Variants in OSBPL1A observed in about 807,000 individuals in gnomAD.
The protein encoded by OSBPL1A is oxysterol-binding protein-related protein 1.
Under a neutral mutation model 137.1 loss-of-function variants are expected in OSBPL1A, and 80 were observed. That is an observed-to-expected ratio of 0.58 (90% confidence interval 0.49 to 0.70). The LOEUF (loss-of-function observed/expected upper bound fraction) is 0.70. OSBPL1A is among the 30% of genes least tolerant of loss of function. The probability of loss-of-function intolerance (pLI) is 0.00; values close to 1 mark genes in which losing one functional copy is unlikely to be tolerated. For missense variants in OSBPL1A, 970 were observed against 1,129.4 expected, an observed-to-expected ratio of 0.86 and a Z score of 2.02; for synonymous variants, 365 against 389.7, an observed-to-expected ratio of 0.94 and a Z score of 0.75.
Position 24,332,997 on chromosome 18 carries a change from T to G in OSBPL1A, c.570A>C (p.Gln190His), listed in dbSNP as rs370547110. Residue 190 changes from glutamine to histidine, a missense_variant, in exon 7 of 28, where the codon CAA becomes CAC. By Grantham distance (24) the Gln-to-His change is conservative. Around this residue, in one of 2 missense-constraint regions of OSBPL1A, gnomAD observed 647 missense variants for 672.6 expected, o/e 0.96. Coordinates refer to ENST00000319481, the MANE Select transcript of OSBPL1A (RefSeq NM_080597.4). Reference sequence around the variant, plus strand: ...CACTTCTTAGAAGCTTTAAGGCACATTGTTTATGGGCCCGGTAAGCTGCAC... The same window carrying G: ...CACTTCTTAGAAGCTTTAAGGCACAGTGTTTATGGGCCCGGTAAGCTGCAC... ...LHCAAYRAHK[Q>H]CALKLLRSGA... The G allele has an allele frequency of 4.3e-6, 7 of 1,614,096 alleles. No homozygotes were observed. The highest frequency in any genetic ancestry group is 2.7e-5 in the African/African-American group (2 of 74,934).
At chr18:24,176,935 C>G (rs2086464390) in intron 21 of OSBPL1A, among the ~76,000 whole-genome samples, 1 of 152,240 alleles carries the variant, frequency 6.6e-6, no homozygotes, top group Admixed American at 6.5e-5. Flanking sequence ...CTCTTAGACA[C>G]CAGGGGGCGC....
At chr18:24,344,102 A>C (rs554031315) in intron 4 of OSBPL1A, among the ~76,000 whole-genome samples, 4 of 152,376 alleles carry the variant, frequency 2.6e-5, no homozygotes, top group African/African-American at 9.6e-5. Flanking sequence ...ACTCAAAAAC[A>C]AAACAAATAA....
intron 2 of OSBPL1A, among the ~76,000 whole-genome samples, chr18:24,375,247 T>C (rs1443035832): frequency 1.4e-5 from 2 of 140,060 alleles, no homozygotes; most frequent in African/African-American, 5.4e-5. Context: ...CCCAGAAGTC[T>C]GAGGCTGCCA....
intron 14 of OSBPL1A, among the ~76,000 whole-genome samples, chr18:24,293,125 A>AAAAAAAAAAAAAAAAAAACAAAAAAG (rs200624581): frequency 1.2e-5 from 1 of 82,066 alleles, no homozygotes; most frequent in Non-Finnish European, 2.9e-5. Flanking sequence ...AAAAAAAAAA[A>AAAAAAAAAAAAAAAAAAACAAAAAAG]AAAGAAAAGA....
At chr18:24,357,291 C>G (rs2091553580) in intron 4 of OSBPL1A, 4 of 152,088 alleles carry the variant, frequency 2.6e-5, no homozygotes, top group Admixed American at 2.6e-4. Flanking sequence ...GATAGTCATG[C>G]CTTTGTCTGG....
intron 2 of OSBPL1A, among the ~76,000 whole-genome samples, chr18:24,374,761 C>G (rs1386428197): frequency 6.6e-6 from 1 of 152,148 alleles, no homozygotes; most frequent in Non-Finnish European, 1.5e-5. Flanking sequence ...TCTCCTGATA[C>G]AGCCAAGGAG....
chr18:24,311,239 T>C (rs2090615579), intron 13 of OSBPL1A, among the ~76,000 whole-genome samples: 1 of 152,206 alleles, frequency 6.6e-6, no homozygotes, highest in African/African-American at 2.4e-5. Context: ...AACATTCAAA[T>C]CTTGCCGCCA....
Position 24,243,798 on chromosome 18 carries a change from G to A in OSBPL1A, c.1282-4416C>T, listed in dbSNP as rs146871802. Among the ~76,000 whole-genome samples the A allele has an allele frequency of 3.7e-3, 571 of 152,270 alleles. 4 individuals are homozygous for A. The highest frequency in any genetic ancestry group is 0.013 in the African/African-American group (538 of 41,550). On this transcript the variant is annotated intron_variant, in intron 15 of 27. Coordinates refer to ENST00000319481, the MANE Select transcript of OSBPL1A (RefSeq NM_080597.4). ...AGTTTCAAGCCTAACAGGATTTTCT[G>A]CACTGAAGATACCTTCTTATAAAAT...
At chr18:24,169,974 G>C (rs529993284) in intron 24 of OSBPL1A, among the ~76,000 whole-genome samples, 2 of 152,274 alleles carry the variant, frequency 1.3e-5, no homozygotes, top group South Asian at 4.2e-4. Flanking sequence ...AGAGACTTTT[G>C]GAGGAAATTT....
At chr18:24,267,859 TA>T (rs200636180) in intron 15 of OSBPL1A, among the ~76,000 whole-genome samples, 3 of 150,274 alleles carry the variant, frequency 2.0e-5, no homozygotes, top group Admixed American at 6.6e-5. Context: ...TTTTTTTTTT[TA>T]AATCAGGGAT....
chr18:24,246,262 A>C (rs2088883338), intron 15 of OSBPL1A, among the ~76,000 whole-genome samples: 1 of 151,996 alleles, frequency 6.6e-6, no homozygotes, highest in Non-Finnish European at 1.5e-5. Flanking sequence ...TAAATTAAGA[A>C]CTAAGAATAA....
rs1188826885 is a variant in OSBPL1A, at chr18:24,280,939, G to A, written c.1184C>T (p.Pro395Leu). Residue 395 changes from proline to leucine, a missense_variant, in exon 15 of 28, where the codon CCA becomes CTA. By Grantham distance (98) the Pro-to-Leu change is moderately conservative (BLOSUM62 -3). Coordinates refer to ENST00000319481, the MANE Select transcript of OSBPL1A (RefSeq NM_080597.4). ...KECDMAKEML[P>L]SFLQKVEVVS... Reference sequence around the variant, plus strand: ...AACTTCAACTTTCTGAAGAAATGATGGAAGCATTTCTATAAAGAAAAAAAT... The same window carrying A: ...AACTTCAACTTTCTGAAGAAATGATAGAAGCATTTCTATAAAGAAAAAAAT... 6.3e-7 allele frequency: 1 copy of A among 1,595,382 alleles called. No individual in the cohort carries two copies. The highest frequency in any genetic ancestry group is 8.5e-7 in the Non-Finnish European group (1 of 1,172,092).
chr18:24,240,051 G>A (rs1347537911), intron 15 of OSBPL1A, among the ~76,000 whole-genome samples: 1 of 150,918 alleles, frequency 6.6e-6, no homozygotes, highest in Non-Finnish European at 1.5e-5. Flanking sequence ...TGCCTCCTGA[G>A]TAGCTGGGAT....
Position 24,332,984 on chromosome 18 carries a change from G to A in OSBPL1A, c.583C>T (p.Leu195Phe), listed in dbSNP as rs2091110029. The change falls in exon 7 of 28, where the codon CTT (leucine) becomes TTT (phenylalanine). Residue 195 changes from leucine (L) to phenylalanine (F), a missense_variant. Around this residue, in one of 2 missense-constraint regions of OSBPL1A, gnomAD observed 647 missense variants for 672.6 expected, o/e 0.96. Transcript: ENST00000319481. ...YRAHKQCALK[L>F]LRSGADPNLK... ...TTAGGGTCTGCTCCACTTCTTAGAA[G>A]CTTTAAGGCACATTGTTTATGGGCC... 1.2e-6 allele frequency: 2 copies of A among 1,614,174 alleles called. No homozygotes were observed. Among genetic ancestry groups the A allele is most frequent in the African/African-American group, 1.3e-5 (1 of 75,048 alleles).
chr18:24,175,700 T>C (rs2086428626), intron 21 of OSBPL1A, among the ~76,000 whole-genome samples: 1 of 152,250 alleles, frequency 6.6e-6, no homozygotes, highest in South Asian at 2.1e-4. Context: ...ATCATATCCA[T>C]AAGAGTTCTT....
At chr18:24,200,916 T>C (rs2087200450) in intron 17 of OSBPL1A, among the ~76,000 whole-genome samples, 1 of 152,208 alleles carries the variant, frequency 6.6e-6, no homozygotes, top group South Asian at 2.1e-4. Flanking sequence ...TGTGTTTCCA[T>C]ATTTAAAAAT....
Position 24,280,870 on chromosome 18 carries a change from C to T in OSBPL1A, c.1253G>A (p.Cys418Tyr), listed in dbSNP as rs760694789. The change falls in exon 15 of 28, where the codon TGC becomes TAC. Residue 418 changes from cysteine (C) to tyrosine (Y), a missense_variant. Transcript: ENST00000319481. ...TTCTTGTTTGGTGAAGAGATTAAGG[C>T]AATCAGTCAAAGCTACACAAGTTTC... is the stretch of plus-strand genomic sequence containing the variant. ...SRETCVALTD[C>Y]LNLFTKQEGV... is the part of the protein sequence containing the mutation. The T allele has an allele frequency of 6.2e-7, 1 of 1,604,512 alleles. No homozygotes were observed. Among genetic ancestry groups the T allele is most frequent in the Admixed American group, 1.7e-5 (1 of 57,830 alleles).
intron 1 of OSBPL1A, among the ~76,000 whole-genome samples, chr18:24,386,161 G>GA (rs1315472297): frequency 4.0e-5 from 6 of 151,634 alleles, no homozygotes; most frequent in Admixed American, 2.0e-4. Context: ...TGGTAGGAGA[G>GA]AAAAAAAATG....
intron 19 of OSBPL1A, 45 bp from the exon 20 acceptor site, chr18:24,179,880 C>T: frequency 4.7e-6 from 7 of 1,497,222 alleles, no homozygotes; most frequent in Non-Finnish European, 6.5e-6. Flanking sequence ...GCCGAGCTCG[C>T]TCCGCATTCT....
Sources: allele counts gnomAD v4.1 joint callset (sites outside exome capture counted in the v4.1 genomes callset), GRCh38; gene constraint gnomAD v4.1.1; regional missense constraint gnomAD v4.1.1; transcripts MANE v1.5; gene names NCBI Gene and HGNC (gene_info 2026-07-23, HGNC 2026-07-21).